The following DOCK1 variants were observed in gnomAD, a reference collection of about 807,000 sequenced individuals.
DOCK1 encodes the protein dedicator of cytokinesis 1, also known as dedicator of cytokinesis protein 1.
DOCK1 carries 138 observed loss-of-function variants against 262.7 expected under a neutral mutation model. That is an observed-to-expected ratio of 0.53 (90% CI 0.46 to 0.61). The LOEUF is 0.61. Ranked by LOEUF, DOCK1 falls within the 20% of genes least tolerant of loss-of-function variation. DOCK1 has a pLI of 0.00. For missense variants in DOCK1, 1,908 were observed against 2,370.7 expected (o/e 0.80, Z 4.05); for synonymous variants, 866 against 867.4 (o/e 1.00, Z 0.03).
At chr10:127,078,785 C>A (rs116026309) in intron 23 of DOCK1, among the ~76,000 whole-genome samples, 5 of 152,242 alleles carry the variant, frequency 3.3e-5, no homozygotes, top group Non-Finnish European at 7.4e-5. Flanking sequence ...TTTACAGCAA[C>A]CTGGATGGAG....
intron 9 of DOCK1, among the ~76,000 whole-genome samples, 172 bp downstream of exon 9, chr10:126,999,607 A>G (rs144699726): frequency 2.5e-3 from 386 of 152,362 alleles, no homozygotes; most frequent in Admixed American, 3.9e-3. Context: ...CTGAGTCTCT[A>G]GCCACCCTTA....
rs753333069 is a variant in DOCK1 at position 127,426,029 on chromosome 10, G to A, written c.4914+18G>A. ...GAATCATGGTAAGAGGGTAGTATGC[G>A]TAGTGTTGCAGAAGAGTGGGTGTCT... On this transcript the variant is annotated intron_variant, in intron 47 of 51. Transcript: ENST00000623213. 2.0e-5 allele frequency: 32 copies of A among 1,613,384 alleles called. No individual in the cohort carries two copies. Among genetic ancestry groups the A allele is most frequent in the East Asian group, 8.9e-5 (4 of 44,886 alleles).
chr10:127,114,755 CTTTCT>C (rs1321289085), intron 25 of DOCK1, among the ~76,000 whole-genome samples: 3 of 105,284 alleles, frequency 2.8e-5, no homozygotes, highest in Non-Finnish European at 3.6e-5. Context: ...CCTTTTTTTT[CTTTCT>C]TTTTTTTTTT....
intron 33 of DOCK1, among the ~76,000 whole-genome samples, chr10:127,366,776 C>T (rs1004713831): frequency 2.0e-5 from 3 of 152,182 alleles, no homozygotes; most frequent in Non-Finnish European, 2.9e-5. Context: ...GGATGGTCGG[C>T]TGCTGCCTAA....
chr10:126,955,280 C>A (rs1249497007), intron 1 of DOCK1, among the ~76,000 whole-genome samples: 1 of 152,192 alleles, frequency 6.6e-6, no homozygotes, highest in Non-Finnish European at 1.5e-5. Flanking sequence ...CATGCACCAT[C>A]ATGTTCGGCT....
At chr10:127,398,310 G>A (rs1376827998) in intron 38 of DOCK1, among the ~76,000 whole-genome samples, 2 of 152,190 alleles carry the variant, frequency 1.3e-5, no homozygotes, top group South Asian at 2.1e-4. Context: ...GCTTGCAAAG[G>A]GTCTCCATTC....
intron 38 of DOCK1, among the ~76,000 whole-genome samples, chr10:127,401,715 TAGAG>T (rs2067235133): frequency 6.9e-6 from 1 of 143,916 alleles, no homozygotes; most frequent in Admixed American, 7.0e-5. Flanking sequence ...ATTATTATTT[TAGAG>T]AGACAGTGTA....
rs71490109 is a variant in DOCK1 at position 127,093,198 on chromosome 10, T to TTTTCTTTCTTTCTTTCTTTCTTTC, written c.2446-13010_2446-13009insCTTTCTTTCTTTCTTTCTTTCTTT. On this transcript the variant is annotated intron_variant, in intron 23 of 51. Transcript: ENST00000623213. ...CTTTGCATCTGAATCTCCCTCTCCTTTTTCTTTCTTTCTTTCTTTCTTTTC... is the reference window on the plus strand; with the variant it reads ...CTTTGCATCTGAATCTCCCTCTCCTTTTTCTTTCTTTCTTTCTTTCTTTCTTTCTTTCTTTCTTTCTTTCTTTTC... 8.6e-3 allele frequency among the ~76,000 whole-genome samples: 797 copies of TTTTCTTTCTTTCTTTCTTTCTTTC among 92,352 alleles called. 17 individuals carry two copies. The highest frequency in any genetic ancestry group is 0.016 in the African/African-American group (353 of 22,456). The allele number at this position is 92,352 out of a possible 152,430, so 60.6% of individuals were successfully genotyped here.
At chr10:127,205,924 G>T (rs1262792172) in intron 27 of DOCK1, among the ~76,000 whole-genome samples, 1 of 151,892 alleles carries the variant, frequency 6.6e-6, no homozygotes, top group African/African-American at 2.4e-5. Context: ...ATCATCTATG[G>T]GTATAATGCA....
intron 29 of DOCK1, among the ~76,000 whole-genome samples, chr10:127,287,904 T>TA (rs1014698808): frequency 1.0e-3 from 156 of 152,328 alleles, no homozygotes; most frequent in African/African-American, 3.4e-3. Context: ...CCTTTGGAGT[T>TA]AAAAAAATCC....
In DOCK1 at chr10:127,299,148, G is replaced by C. The variant is rs116973266; in HGVS notation, c.3045-39858G>C. On this transcript the variant is annotated intron_variant, in intron 29 of 51. Transcript: ENST00000623213. The stretch of plus-strand genomic sequence containing the variant: ...ATGTCTTGCTCTGTCACTCAGGCTG[G>C]AGTACAATAGCATGATCTCAGCTCG... Among the ~76,000 whole-genome samples the C allele has an allele frequency of 8.6e-3, 1,302 of 152,266 alleles. 35 individuals carry two copies. In the East Asian group the frequency reaches 0.1, roughly 12 times the overall value.
chr10:126,936,521 G>T (rs1281697098), intron 1 of DOCK1, among the ~76,000 whole-genome samples: 3 of 152,096 alleles, frequency 2.0e-5, no homozygotes, highest in Non-Finnish European at 4.4e-5. Context: ...TTTTTCCAAA[G>T]TATTTAAAAA....
chr10:127,409,207 T>C (rs376835637), intron 41 of DOCK1, 29 bp downstream of exon 41: 1 of 1,612,740 alleles, frequency 6.2e-7, no homozygotes, highest in Non-Finnish European at 8.5e-7. Flanking sequence ...TCATCAACTC[T>C]GAAACCATGG....
In DOCK1 at chr10:127,169,910, T is replaced by C. The variant is rs562083475; in HGVS notation, c.2847+42146T>C. Reference sequence around the variant, plus strand: ...ACTTCGTCTGTATTAACTCGTTCCATCCCTCAGCTCTTTCTTCCTCTCTCC... The same window carrying C: ...ACTTCGTCTGTATTAACTCGTTCCACCCCTCAGCTCTTTCTTCCTCTCTCC... On this transcript the variant is annotated intron_variant, in intron 27 of 51. Transcript: ENST00000623213. 5.3e-5 allele frequency among the ~76,000 whole-genome samples: 8 copies of C among 152,254 alleles called. No individual in the cohort carries two copies. In the South Asian group the frequency reaches 1.7e-3, roughly 32 times the overall value.
intron 46 of DOCK1, 83 bp downstream of exon 46, chr10:127,419,832 A>G (rs2068392461): frequency 8.4e-6 from 12 of 1,421,822 alleles, no homozygotes; most frequent in Non-Finnish European, 9.6e-6. Context: ...ACCAGCCAGC[A>G]TGGAGGTCCC....
chr10:127,270,546 T>TCTTC (rs1300834752), intron 29 of DOCK1, among the ~76,000 whole-genome samples: 6 of 131,592 alleles, frequency 4.6e-5, no homozygotes, highest in African/African-American at 1.4e-4. Flanking sequence ...TCCCTCCCTC[T>TCTTC]CTTCCTTCCT....
At chr10:126,950,225 G>A (rs2036087547) in intron 1 of DOCK1, among the ~76,000 whole-genome samples, 1 of 152,106 alleles carries the variant, frequency 6.6e-6, no homozygotes. Flanking sequence ...GTGTTATTTG[G>A]AGAGCAGGTT....
intron 1 of DOCK1, among the ~76,000 whole-genome samples, chr10:126,952,348 T>C (rs1591426438): frequency 6.6e-6 from 1 of 151,938 alleles, no homozygotes; most frequent in East Asian, 1.9e-4. Flanking sequence ...GTGATGGTGG[T>C]GGTAATATTG....
At chr10:127,353,757 C>T (rs1374474276) in intron 31 of DOCK1, among the ~76,000 whole-genome samples, 1 of 152,202 alleles carries the variant, frequency 6.6e-6, no homozygotes, top group Non-Finnish European at 1.5e-5. Context: ...GGCTGTAGCC[C>T]ACTCATGCCG....
Sources: allele counts gnomAD v4.1 joint callset (sites outside exome capture counted in the v4.1 genomes callset), GRCh38; gene constraint gnomAD v4.1.1; transcripts MANE v1.5; gene names NCBI Gene and HGNC (gene_info 2026-07-23, HGNC 2026-07-21).